SLC14A2: variants seen among roughly 807,000 people sequenced by gnomAD.
SLC14A2 encodes the protein urea transporter 2.
Under a neutral mutation model 104.6 loss-of-function variants are expected in SLC14A2, and 91 were observed. The observed-to-expected ratio is 0.87, with a 90% CI of 0.73 to 1.04. SLC14A2 has a LOEUF of 1.04. Ranked by LOEUF, SLC14A2 falls within the 50% of genes least tolerant of loss-of-function variation. The pLI is 0.00. For synonymous variants in SLC14A2, 476 were observed against 466.4 expected (o/e 1.02, Z -0.27); for missense variants, 1,189 against 1,156.0 (o/e 1.03, Z -0.41).
chr18:45,417,374 G>A (rs759172625), intron 1 of SLC14A2, among the ~76,000 whole-genome samples: 80 of 152,290 alleles, frequency 5.3e-4, no homozygotes, highest in Admixed American at 2.0e-3. Flanking sequence ...AACTGCCCAA[G>A]ACTGGGTAAT....
At chr18:45,397,031 G>A (rs2086041453) in intron 1 of SLC14A2, among the ~76,000 whole-genome samples, 1 of 152,176 alleles carries the variant, frequency 6.6e-6, no homozygotes, top group Non-Finnish European at 1.5e-5. Context: ...ATTCCTTGGT[G>A]TTTATGTACC....
chr18:45,631,639 C>T (rs950502004), intron 4 of SLC14A2, among the ~76,000 whole-genome samples: 1 of 152,206 alleles, frequency 6.6e-6, no homozygotes, highest in South Asian at 2.1e-4. Flanking sequence ...GTTTTTGAGA[C>T]AGGGTCTTGC....
rs568743361 is a variant in SLC14A2 at position 45,255,424 on chromosome 18, G to C, written c.-125+42233G>C. Among the ~76,000 whole-genome samples, 64 of 152,356 alleles carry C rather than the reference G, an allele frequency of 4.2e-4. 1 individual carries two copies. The highest frequency in any genetic ancestry group is 1.3e-3 in the African/African-American group (52 of 41,578). Reference sequence around the variant, plus strand: ...GGCCAAAAAGGGAGAGCGCATTTGTGTGTGTTTAGCAGCTTTGTCCGGGGC... The same window carrying C: ...GGCCAAAAAGGGAGAGCGCATTTGTCTGTGTTTAGCAGCTTTGTCCGGGGC... On this transcript the variant is annotated intron_variant, in intron 1 of 20. Transcript: ENST00000586448.
intron 10 of SLC14A2, among the ~76,000 whole-genome samples, chr18:45,659,928 C>T (rs2045907956): frequency 7.0e-6 from 1 of 142,210 alleles, no homozygotes; most frequent in South Asian, 2.2e-4. Context: ...AGTTTGGGAC[C>T]AGCCTGGTCA....
chr18:45,213,377 TTGTTTC>T (rs1283798589), intron 1 of SLC14A2, among the ~76,000 whole-genome samples: 3 of 152,182 alleles, frequency 2.0e-5, no homozygotes, highest in Admixed American at 6.5e-5. Flanking sequence ...CACCAGTCAA[TTGTTTC>T]AAAGAGATGA....
intron 10 of SLC14A2, among the ~76,000 whole-genome samples, chr18:45,657,972 T>C (rs1344784655): frequency 2.0e-5 from 3 of 152,032 alleles, no homozygotes; most frequent in African/African-American, 7.2e-5. Flanking sequence ...AACTTCCATG[T>C]GGAGAAACAT....
At chr18:45,530,325 G>T (rs2043663840) in intron 2 of SLC14A2, among the ~76,000 whole-genome samples, 1 of 152,052 alleles carries the variant, frequency 6.6e-6, no homozygotes, top group Non-Finnish European at 1.5e-5. Context: ...TTCCTATAAA[G>T]CAAATGCTAA....
intron 1 of SLC14A2, among the ~76,000 whole-genome samples, chr18:45,318,954 A>G (rs566858982): frequency 5.9e-5 from 9 of 152,218 alleles, no homozygotes; most frequent in African/African-American, 1.9e-4. Flanking sequence ...TGTCAAAGGG[A>G]CTAGAGAATC....
At chr18:45,341,732 A>G (rs1174102480) in intron 1 of SLC14A2, among the ~76,000 whole-genome samples, 1 of 148,252 alleles carries the variant, frequency 6.7e-6, no homozygotes, top group Non-Finnish European at 1.5e-5. Flanking sequence ...TGCTGGAACT[A>G]TAGGTGCCAC....
intron 2 of SLC14A2, among the ~76,000 whole-genome samples, chr18:45,521,480 G>A (rs2043516226): frequency 6.6e-6 from 1 of 151,928 alleles, no homozygotes; most frequent in Non-Finnish European, 1.5e-5. Flanking sequence ...ACACAAGAAA[G>A]GTACAAAAAA....
intron 2 of SLC14A2, among the ~76,000 whole-genome samples, chr18:45,549,007 C>A (rs2044015006): frequency 6.6e-6 from 1 of 152,344 alleles, no homozygotes; most frequent in East Asian, 1.9e-4. Flanking sequence ...CCAAGAGAGG[C>A]ATTTAGGATT....
intron 1 of SLC14A2, among the ~76,000 whole-genome samples, chr18:45,368,844 A>G (rs971456227): frequency 6.6e-6 from 1 of 152,236 alleles, no homozygotes; most frequent in East Asian, 1.9e-4. Context: ...GTTAATAGCC[A>G]ATAAAGACCA....
chr18:45,679,194 C>T (rs1277600697), intron 19 of SLC14A2, among the ~76,000 whole-genome samples, 170 bp downstream of exon 19: 2 of 152,106 alleles, frequency 1.3e-5, no homozygotes, highest in African/African-American at 4.8e-5. Flanking sequence ...GGAGCCAGGC[C>T]CCAAAAGTTT....
At chr18:45,171,329 A>G in the SLC14A2 span, among the ~76,000 whole-genome samples, 5 of 151,264 alleles carry the variant, frequency 3.3e-5, no homozygotes, top group South Asian at 6.3e-4. Context: ...AAACCTTTAG[A>G]AAAAAAAATG....
intron 1 of SLC14A2, among the ~76,000 whole-genome samples, chr18:45,439,733 A>G (rs2086653116): frequency 6.6e-6 from 1 of 152,200 alleles, no homozygotes; most frequent in Non-Finnish European, 1.5e-5. Context: ...ATGGCACCAC[A>G]TCCACATCAG....
intron 16 of SLC14A2, among the ~76,000 whole-genome samples, chr18:45,671,678 C>G (rs1378308250): frequency 6.6e-6 from 1 of 152,176 alleles, no homozygotes; most frequent in African/African-American, 2.4e-5. Flanking sequence ...AAAGCCTAAC[C>G]CACTCAGCCT....
intron 2 of SLC14A2, among the ~76,000 whole-genome samples, chr18:45,603,912 A>G (rs2044826449): frequency 6.6e-6 from 1 of 152,218 alleles, no homozygotes; most frequent in Admixed American, 6.5e-5. Context: ...CTTTTAACAA[A>G]ACTATGTATT....
At chr18:45,457,619 G>A (rs1301651881) in intron 1 of SLC14A2, among the ~76,000 whole-genome samples, 1 of 151,678 alleles carries the variant, frequency 6.6e-6, no homozygotes, top group South Asian at 2.1e-4. Flanking sequence ...AAGTTAGAGA[G>A]GGTCACTGGT....
intron 2 of SLC14A2, among the ~76,000 whole-genome samples, chr18:45,486,447 A>G (rs1366707640): frequency 6.6e-6 from 1 of 151,990 alleles, no homozygotes; most frequent in African/African-American, 2.4e-5. Flanking sequence ...GCTACCTTTG[A>G]TCCCACTTAA....
Sources: allele counts gnomAD v4.1 joint callset (sites outside exome capture counted in the v4.1 genomes callset), GRCh38; gene constraint gnomAD v4.1.1; transcripts MANE v1.5; gene names NCBI Gene and HGNC (gene_info 2026-07-23, HGNC 2026-07-21).